The following STXBP5L variants were observed in gnomAD, a reference collection of about 807,000 sequenced individuals.
STXBP5L encodes syntaxin binding protein 5L, also known as syntaxin-binding protein 5-like.
Under a neutral mutation model 144.5 loss-of-function variants are expected in STXBP5L, and 65 were observed. The observed-to-expected ratio is 0.45, with a 90% CI of 0.37 to 0.55. The LOEUF is 0.55. Ranked by LOEUF, STXBP5L falls within the 20% of genes least tolerant of loss-of-function variation. The pLI, the probability that STXBP5L is intolerant of heterozygous loss-of-function variation, is 0.00. For missense variants in STXBP5L, 1,298 were observed against 1,405.5 expected (o/e 0.92, Z 1.22); for synonymous variants, 505 against 469.6 (o/e 1.08, Z -0.97).
chr3:121,116,579 A>G (rs2044239055), intron 6 of STXBP5L, among the ~76,000 whole-genome samples: 1 of 152,124 alleles, frequency 6.6e-6, no homozygotes, highest in South Asian at 2.1e-4. Context: ...TTGAAGCATT[A>G]GTATGATAAA....
intron 22 of STXBP5L, among the ~76,000 whole-genome samples, chr3:121,391,594 T>A (rs1420564919): frequency 6.6e-6 from 1 of 152,192 alleles, no homozygotes; most frequent in East Asian, 1.9e-4. Context: ...TTTTTGTTGA[T>A]GTTGATGCTA....
chr3:120,924,221 T>A (rs1709495255), intron 2 of STXBP5L, among the ~76,000 whole-genome samples: 1 of 152,178 alleles, frequency 6.6e-6, no homozygotes, highest in South Asian at 2.1e-4. Context: ...TGTTTCACAG[T>A]ACAATTGTAT....
At chr3:121,417,823 A>AT (rs1304598001) in intron 25 of STXBP5L, among the ~76,000 whole-genome samples, 1 of 152,148 alleles carries the variant, frequency 6.6e-6, no homozygotes, top group Admixed American at 6.6e-5. Context: ...TTATAAATCA[A>AT]TTTTTTAACA....
intron 7 of STXBP5L, among the ~76,000 whole-genome samples, chr3:121,126,920 C>A (rs2044729242): frequency 6.6e-6 from 1 of 152,190 alleles, no homozygotes; most frequent in African/African-American, 2.4e-5. Flanking sequence ...TAGTATCTCT[C>A]TGACTCTTCT....
intron 7 of STXBP5L, among the ~76,000 whole-genome samples, chr3:121,151,436 C>T (rs1277181807): frequency 6.6e-6 from 1 of 151,946 alleles, no homozygotes; most frequent in Non-Finnish European, 1.5e-5. Context: ...GTTTTTACTG[C>T]GAAAACTACT....
intron 2 of STXBP5L, among the ~76,000 whole-genome samples, chr3:120,910,169 A>G (rs1048641120): frequency 4.6e-5 from 7 of 152,230 alleles, no homozygotes; most frequent in Non-Finnish European, 8.8e-5. Flanking sequence ...TTAAGTAGAT[A>G]ATAGGAAAAT....
chr3:121,345,803 T>C (rs2044941749), intron 20 of STXBP5L, among the ~76,000 whole-genome samples: 1 of 151,988 alleles, frequency 6.6e-6, no homozygotes, highest in South Asian at 2.1e-4. Flanking sequence ...TGCATAGAAG[T>C]CTTCTTTTTT....
At chr3:121,181,509 A>G (rs2047152892) in intron 9 of STXBP5L, among the ~76,000 whole-genome samples, 1 of 152,212 alleles carries the variant, frequency 6.6e-6, no homozygotes. Flanking sequence ...CAAGGTGGGC[A>G]GATCACTTGA....
intron 3 of STXBP5L, among the ~76,000 whole-genome samples, chr3:120,992,949 C>A (rs995058789): frequency 1.1e-4 from 16 of 152,104 alleles, no homozygotes; most frequent in Non-Finnish European, 5.9e-5. Flanking sequence ...TTCTCCACAT[C>A]CTTGCCAGTA....
intron 5 of STXBP5L, among the ~76,000 whole-genome samples, chr3:121,098,638 G>C (rs893116499): frequency 3.3e-5 from 5 of 152,188 alleles, no homozygotes; most frequent in African/African-American, 1.2e-4. Context: ...GAAATGAAGT[G>C]GCTCAGCTGT....
At chr3:121,299,682 C>A (rs779863685) in intron 19 of STXBP5L, among the ~76,000 whole-genome samples, 5 of 151,672 alleles carry the variant, frequency 3.3e-5, no homozygotes, top group Non-Finnish European at 7.4e-5. Flanking sequence ...CTCAAAACAC[C>A]CTAAACTAGA....
chr3:121,018,788 C>T (rs1259485110), intron 3 of STXBP5L, among the ~76,000 whole-genome samples: 3 of 152,184 alleles, frequency 2.0e-5, no homozygotes, highest in Non-Finnish European at 1.5e-5. Context: ...CTTGGATGGA[C>T]AGAACAGCAT....
intron 3 of STXBP5L, among the ~76,000 whole-genome samples, chr3:120,974,642 C>T (rs1047487132): frequency 8.5e-5 from 13 of 152,234 alleles, no homozygotes; most frequent in Admixed American, 5.9e-4. Flanking sequence ...AATGTTAATG[C>T]GTAGGTTTTC....
chr3:121,280,017 G>C lies in STXBP5L; in HGVS notation c.2110+61G>C, dbSNP rs1023323012. 9.6e-6 allele frequency: 15 copies of C among 1,556,882 alleles called. No homozygotes were observed. The African/African-American group carries it at 1.8e-4, about 19-fold the overall frequency. On this transcript the variant is annotated intron_variant, in intron 19 of 26. Transcript: ENST00000471454. ...TTGGTCATCTGTGTTCTTATTTTTA[G>C]ATTTCTTGTCTTTCTTCTCTGATAC... is the stretch of plus-strand genomic sequence containing the variant.
chr3:121,026,880 T>G (rs1433876466), intron 3 of STXBP5L, among the ~76,000 whole-genome samples: 1 of 151,632 alleles, frequency 6.6e-6, no homozygotes, highest in African/African-American at 2.4e-5. Flanking sequence ...TATTTCTAGG[T>G]TGCACTACAA....
chr3:121,346,673 G>A (rs1349320677), intron 20 of STXBP5L, among the ~76,000 whole-genome samples: 1 of 152,128 alleles, frequency 6.6e-6, no homozygotes, highest in African/African-American at 2.4e-5. Flanking sequence ...ATCTCATTGT[G>A]GTTTTGATTT....
intron 7 of STXBP5L, among the ~76,000 whole-genome samples, chr3:121,150,875 G>A (rs558553125): frequency 6.6e-6 from 1 of 152,000 alleles, no homozygotes; most frequent in Non-Finnish European, 1.5e-5. Flanking sequence ...ATCACTTGAG[G>A]TCAGGAGTTC....
chr3:120,979,257 GC>G (rs1192400499), intron 3 of STXBP5L, among the ~76,000 whole-genome samples: 1 of 152,186 alleles, frequency 6.6e-6, no homozygotes, highest in Non-Finnish European at 1.5e-5. Flanking sequence ...AATGGCAGGT[GC>G]CCCTCCCCCA....
chr3:121,120,909 T>G (rs1015915691), intron 6 of STXBP5L, among the ~76,000 whole-genome samples: 1 of 151,238 alleles, frequency 6.6e-6, no homozygotes, highest in Non-Finnish European at 1.5e-5. Context: ...TCATATTTAA[T>G]CATGACATAA....
Sources: gnomAD v4.1 joint callset for allele counts (sites outside exome capture counted in the v4.1 genomes callset) on GRCh38, gnomAD v4.1.1 for gene constraint, MANE v1.5 for transcripts, NCBI Gene and HGNC (gene_info 2026-07-23, HGNC 2026-07-21) for gene names.